The following PTPRT variants were observed in gnomAD, a reference collection of about 807,000 sequenced individuals.
The protein encoded by PTPRT is protein tyrosine phosphatase receptor type T, also known as receptor-type tyrosine-protein phosphatase T.
PTPRT carries 56 observed loss-of-function variants against 176.8 expected under a neutral mutation model. That is an observed-to-expected ratio of 0.32 (90% confidence interval 0.26 to 0.40). The LOEUF (loss-of-function observed/expected upper bound fraction) is 0.40. Among genes scored for constraint, PTPRT ranks in the 10% least tolerant of loss-of-function variants. The probability of loss-of-function intolerance (pLI) is 1.00; values close to 1 mark genes in which losing one functional copy is unlikely to be tolerated. For synonymous variants in PTPRT, 783 were observed against 739.0 expected, an observed-to-expected ratio of 1.06 and a Z score of -0.96; for missense variants, 1,540 against 1,908.2, an observed-to-expected ratio of 0.81 and a Z score of 3.60.
chr20:42,188,856 T>C (rs1990883262), intron 16 of PTPRT, among the ~76,000 whole-genome samples: 1 of 152,196 alleles, frequency 6.6e-6, no homozygotes. Context: ...TACTGAGGTC[T>C]CTTTGAAAGT....
chr20:42,639,246 A>G (rs575394656), intron 7 of PTPRT, among the ~76,000 whole-genome samples: 1 of 152,240 alleles, frequency 6.6e-6, no homozygotes, highest in African/African-American at 2.4e-5. Context: ...ATAAGCTAAG[A>G]AATAATAGAA....
chr20:42,229,218 T>C (rs1180750181), intron 15 of PTPRT, among the ~76,000 whole-genome samples: 4 of 152,182 alleles, frequency 2.6e-5, no homozygotes, highest in Non-Finnish European at 5.9e-5. Flanking sequence ...CCCCAGGCCA[T>C]GCTTTTAAGG....
the PTPRT span, among the ~76,000 whole-genome samples, chr20:42,048,878 G>A: frequency 1.3e-5 from 2 of 152,206 alleles, no homozygotes; most frequent in Non-Finnish European, 2.9e-5. Flanking sequence ...CTGGAGTGCA[G>A]TGGCGCAATC....
chr20:42,248,768 G>T lies in PTPRT; in HGVS notation c.2231C>A (p.Thr744Asn). The change falls in exon 14 of 31, where the codon ACC (threonine) becomes AAC (asparagine). Residue 744 changes from threonine to asparagine, a missense_variant. Thr to Asn is a moderately conservative substitution (Grantham distance 65). Coordinates refer to ENST00000373187, the MANE Select transcript of PTPRT (RefSeq NM_007050.6). ...TVEPEKQVDN[T>N]VKMAGVIAGL... ...AGCGATCACGCCAGCCATCTTCACG[G>T]TGTTGTCCACCTGCTTCTCTGGCTC... 1 of 1,614,084 alleles carries T rather than the reference G, an allele frequency of 6.2e-7. No homozygotes were observed.
At chr20:43,039,207 A>T (rs1428684300) in intron 1 of PTPRT, among the ~76,000 whole-genome samples, 1 of 152,262 alleles carries the variant, frequency 6.6e-6, no homozygotes, top group Non-Finnish European at 1.5e-5. Context: ...AGTAAACAAG[A>T]TAGCATCACT....
chr20:42,088,164 A>G (rs1431464624), intron 27 of PTPRT, among the ~76,000 whole-genome samples: 1 of 152,160 alleles, frequency 6.6e-6, no homozygotes, highest in Non-Finnish European at 1.5e-5. Context: ...TGAACAAAGA[A>G]GTCATGTGTT....
intron 9 of PTPRT, among the ~76,000 whole-genome samples, chr20:42,378,026 G>A (rs530666153): frequency 6.6e-6 from 1 of 152,218 alleles, no homozygotes; most frequent in African/African-American, 2.4e-5. Context: ...AGAGGCAGAG[G>A]TTGGGGCAGA....
intron 2 of PTPRT, among the ~76,000 whole-genome samples, chr20:42,805,236 T>C (rs2077588590): frequency 1.3e-5 from 2 of 152,334 alleles, no homozygotes; most frequent in African/African-American, 4.8e-5. Flanking sequence ...AGGTATTTCC[T>C]TACAGTCTCA....
Position 42,161,439 on chromosome 20 carries a change from G to A in PTPRT, c.2595C>T (p.Phe865=). ...AGTCAGCCACCCGGATGGCGGGTTG[G>A]AACTGGTCCCGGGGGTAGCTCATCT... is the stretch of plus-strand genomic sequence containing the variant. The part of the protein sequence containing the change: ...PVEMSYPRDQ[F]QPAIRVADLL... The change falls in exon 17 of 31, where the codon TTC becomes TTT. Residue 865 remains phenylalanine (F), a synonymous_variant. Transcript: ENST00000373187. 1 of 1,614,188 alleles carries A rather than the reference G, an allele frequency of 6.2e-7. No homozygotes were observed. Among genetic ancestry groups the A allele is most frequent in the East Asian group, 2.2e-5 (1 of 44,874 alleles).
chr20:42,299,238 T>C (rs1030915941), intron 12 of PTPRT, among the ~76,000 whole-genome samples: 16 of 152,282 alleles, frequency 1.1e-4, no homozygotes, highest in Admixed American at 5.9e-4. Context: ...CGTTATAATG[T>C]TTTACATATT....
Position 42,472,298 on chromosome 20 carries a change from C to T in PTPRT, c.1418G>A (p.Ser473Asn). ...LLSNPEGRMESEELVVQTEED... is the reference protein window; with the variant it reads ...LLSNPEGRMENEELVVQTEED... ...CTCAGTCTGCACCACCAGCTCCTCG[C>T]TCTCCATTCGGCCCTCGGGGTTAGA... The change falls in exon 8 of 31, where the codon AGC becomes AAC. Residue 473 changes from serine (S) to asparagine (N), a missense_variant. By Grantham distance (46) the Ser-to-Asn change is conservative. Around this residue, in one of 11 missense-constraint regions of PTPRT, gnomAD observed 79 missense variants for 80.0 expected, o/e 0.99. Transcript: ENST00000373187. The T allele has an allele frequency of 1.2e-6, 2 of 1,614,230 alleles. No individual in the cohort carries two copies. Among genetic ancestry groups the T allele is most frequent in the Non-Finnish European group, 1.7e-6 (2 of 1,180,034 alleles).
intron 15 of PTPRT, among the ~76,000 whole-genome samples, chr20:42,234,134 G>A (rs1433808434): frequency 2.0e-5 from 3 of 152,092 alleles, no homozygotes; most frequent in Non-Finnish European, 4.4e-5. Context: ...AAGAAGAGAG[G>A]GGCTCCCAGG....
At chr20:42,219,160 T>A (rs2055830647) in intron 15 of PTPRT, among the ~76,000 whole-genome samples, 1 of 152,192 alleles carries the variant, frequency 6.6e-6, no homozygotes, top group African/African-American at 2.4e-5. Context: ...GGGTTAGAGA[T>A]GACGGGTCCC....
At chr20:42,032,758 T>TTCTC in the PTPRT span, among the ~76,000 whole-genome samples, 2 of 150,236 alleles carry the variant, frequency 1.3e-5, no homozygotes. Context: ...CTCTCTCTCC[T>TTCTC]TCTCTCTCTC....
At chr20:42,116,694 G>A (rs947603601) in intron 21 of PTPRT, among the ~76,000 whole-genome samples, 1 of 152,112 alleles carries the variant, frequency 6.6e-6, no homozygotes, top group Non-Finnish European at 1.5e-5. Flanking sequence ...GTAAGGGATG[G>A]GGCCAGGATG....
intron 1 of PTPRT, among the ~76,000 whole-genome samples, chr20:42,998,592 G>T (rs1984358782): frequency 6.6e-6 from 1 of 152,170 alleles, no homozygotes. Flanking sequence ...CCTTTGAAAA[G>T]AATAGGTGCT....
intron 7 of PTPRT, among the ~76,000 whole-genome samples, chr20:42,661,558 C>T (rs962178527): frequency 5.9e-5 from 9 of 151,998 alleles, no homozygotes; most frequent in Non-Finnish European, 1.2e-4. Context: ...ATCCATTTTC[C>T]GCCCTAAGCC....
intron 2 of PTPRT, among the ~76,000 whole-genome samples, chr20:42,810,047 C>T (rs146202188): frequency 0.021 from 3,160 of 152,248 alleles, 112 homozygotes; most frequent in African/African-American, 0.072. Context: ...AATCCTAGCA[C>T]TTTGGGAGGC....
At chr20:42,350,778 C>T (rs772535719) in intron 10 of PTPRT, 48 bp from the exon 11 acceptor site, 1 of 1,405,604 alleles carries the variant, frequency 7.1e-7, no homozygotes, top group Non-Finnish European at 1.0e-6. Flanking sequence ...AGATTCCCAA[C>T]TGGCTCCCCA....
Sources: allele counts gnomAD v4.1 joint callset (sites outside exome capture counted in the v4.1 genomes callset), GRCh38; gene constraint gnomAD v4.1.1; regional missense constraint gnomAD v4.1.1; transcripts MANE v1.5; gene names NCBI Gene and HGNC (gene_info 2026-07-23, HGNC 2026-07-21).